Variants in PRPF40B observed in about 807,000 individuals in gnomAD.
PRPF40B encodes the protein pre-mRNA-processing factor 40 homolog B.
In PRPF40B, 56 loss-of-function variants were observed where a neutral mutation model predicts 124.5. The ratio of observed to expected loss-of-function variants is 0.45; its 90% CI spans 0.36 to 0.56. The LOEUF (loss-of-function observed/expected upper bound fraction) is 0.56, where lower values mean the gene tolerates loss of function less well. Among genes scored for constraint, PRPF40B ranks in the 20% least tolerant of loss-of-function variants. PRPF40B has a pLI of 0.00. For synonymous variants in PRPF40B, 443 were observed against 426.4 expected (o/e 1.04, Z -0.48); for missense variants, 1,053 against 1,169.5 (o/e 0.90, Z 1.45).
intron 18 of PRPF40B, chr12:49,639,931 T>C (rs539615552): frequency 6.6e-6 from 1 of 152,370 alleles, no homozygotes; most frequent in South Asian, 2.1e-4. Context: ...TATCCTGGGA[T>C]AGCTAAATTT....
chr12:49,629,572 T>C (rs192452266), intron 1 of PRPF40B, among the ~76,000 whole-genome samples: 1 of 152,348 alleles, frequency 6.6e-6, no homozygotes, highest in African/African-American at 2.4e-5. Context: ...CAGATGCTGG[T>C]AGGTACCAGG....
At position 49,632,996 on chromosome 12, in the gene PRPF40B, G is replaced by GGGGGGGCCCCCCCCC; in HGVS notation, c.349-18_349-17insGGGGGGCCCCCCCCC. 5 of 1,147,388 alleles carry GGGGGGGCCCCCCCCC rather than the reference G, an allele frequency of 4.4e-6. No individual in the cohort carries two copies. The highest frequency in any genetic ancestry group is 4.9e-6 in the Non-Finnish European group (4 of 823,006). The allele number at this position is 1,147,388 out of a possible 1,614,324, so 71.1% of individuals were successfully genotyped here. ...AAAGGGGCCTTGACCACCATTCTGT[G>GGGGGGGCCCCCCCCC]CCCCCCCCCCCACCCAGAGGGCCCT... On this transcript the variant is annotated splice_polypyrimidine_tract_variant and intron_variant, in intron 6 of 25. Coordinates refer to ENST00000548825, the MANE Select transcript of PRPF40B (RefSeq NM_001031698.3).
chr12:49,626,865 C>A (rs879445766), intron 1 of PRPF40B, among the ~76,000 whole-genome samples: 3 of 152,124 alleles, frequency 2.0e-5, no homozygotes, highest in Admixed American at 6.5e-5. Context: ...AGTCCCAGTT[C>A]TGTCCCTAAC....
At chr12:49,623,452 C>A, upstream of PRPF40B, 1 of 954,466 alleles carries the variant, frequency 1.0e-6, no homozygotes, top group Non-Finnish European at 1.3e-6. Flanking sequence ...CCCCGCTCGC[C>A]GGCGGGAGCC....
intron 15 of PRPF40B, chr12:49,636,359 TAA>T (rs1348161268): frequency 2.5e-6 from 1 of 403,670 alleles, no homozygotes; most frequent in Non-Finnish European, 4.5e-6. Context: ...TGTTGGCCTG[TAA>T]TTACTGATGA....
At chr12:49,641,818 T>G in intron 18 of PRPF40B, 90 bp from the exon 19 acceptor site, 1 of 1,088,250 alleles carries the variant, frequency 9.2e-7, no homozygotes, top group South Asian at 1.3e-5. Context: ...GGCAAGGGCC[T>G]TCTTGACCAT....
chr12:49,624,328 G>A (rs1460436790), intron 1 of PRPF40B, among the ~76,000 whole-genome samples: 1 of 152,212 alleles, frequency 6.6e-6, no homozygotes, highest in Non-Finnish European at 1.5e-5. Flanking sequence ...GCAAAGGAAA[G>A]GATGAAGATG....
intron 18 of PRPF40B, chr12:49,639,690 A>G (rs140284083): frequency 3.3e-5 from 5 of 152,352 alleles, no homozygotes; most frequent in Non-Finnish European, 7.3e-5. Context: ...TGTTTAAAAA[A>G]AAAAGGGAGA....
At chr12:49,629,182 C>T (rs1473092580) in intron 1 of PRPF40B, among the ~76,000 whole-genome samples, 1 of 152,220 alleles carries the variant, frequency 6.6e-6, no homozygotes, top group African/African-American at 2.4e-5. Flanking sequence ...TCCCTTTCTA[C>T]CATTTCTTGT....
intron 24 of PRPF40B, 27 bp downstream of exon 24, chr12:49,643,779 C>T (rs779725553): frequency 1.2e-6 from 2 of 1,613,668 alleles, no homozygotes; most frequent in Non-Finnish European, 1.7e-6. Flanking sequence ...CTACCTAAGC[C>T]CCTGCTATTT....
At position 49,634,426 on chromosome 12, in the gene PRPF40B, C is replaced by T. The variant is rs754324816; in HGVS notation, c.907C>T (p.Gln303Ter). 1 of 1,614,184 alleles carries T rather than the reference C, an allele frequency of 6.2e-7. No individual in the cohort carries two copies. Residue 303 changes from glutamine to a stop codon, truncating the protein, a stop_gained, in exon 11 of 26, where the codon CAG becomes TAG. Transcript: ENST00000548825. LOFTEE classifies it high-confidence loss of function. ...LSWSNREKAK[Q>*]AFKELLRDKA... ...TTGGAGCAACCGGGAGAAGGCAAAGCAGGCATTCAAGGAACTGCTGAGGGA... is the reference window on the plus strand; with the variant it reads ...TTGGAGCAACCGGGAGAAGGCAAAGTAGGCATTCAAGGAACTGCTGAGGGA...
At chr12:49,633,843 T>C (rs779127885) in intron 9 of PRPF40B, 43 bp from the exon 10 acceptor site, 10 of 1,611,472 alleles carry the variant, frequency 6.2e-6, no homozygotes, top group Non-Finnish European at 7.6e-6. Flanking sequence ...AGTCCTCCAT[T>C]CTTGCTCTCC....
At position 49,635,379 on chromosome 12, in the gene PRPF40B, C is replaced by T; in HGVS notation, c.1181C>T (p.Thr394Ile). ...STTRYRRAEQ[T>I]FGELEVWAVV... ...ATGCTCCACAGGCGGGCAGAACAGA[C>T]CTTTGGGGAGCTGGAGGTCTGGGCT... is the stretch of plus-strand genomic sequence containing the variant. The change falls in exon 14 of 26, where the codon ACC (threonine) becomes ATC (isoleucine). Residue 394 changes from threonine to isoleucine, a missense_variant. Physicochemically the swap from Thr to Ile is moderately conservative, Grantham distance 89. This residue lies in a region of PRPF40B where 895 missense variants were observed against 1,052.2 expected (regional missense o/e 0.85). Transcript: ENST00000548825. The surrounding 1 kb of genome is among the most constrained non-coding windows in gnomAD (Gnocchi z 4.1). 3 of 1,613,680 alleles carry T rather than the reference C, an allele frequency of 1.9e-6. No individual in the cohort carries two copies. The highest frequency in any genetic ancestry group is 2.5e-6 in the Non-Finnish European group (3 of 1,179,816).
At position 49,644,636 on chromosome 12, in the gene PRPF40B, T is replaced by C. The variant is rs551942425; in HGVS notation, c.*444T>C. On this transcript the variant is annotated 3_prime_UTR_variant, in exon 26 of 26. Coordinates refer to ENST00000548825, the MANE Select transcript of PRPF40B (RefSeq NM_001031698.3). ...CCTAATGTACGTGTGTTTTGTTTTT[T>C]GTTTTTTAAATAACAATATTTATAA... The C allele has an allele frequency of 3.7e-5, 7 of 187,744 alleles. No homozygotes were observed. Among genetic ancestry groups the C allele is most frequent in the African/African-American group, 1.6e-4 (7 of 42,808 alleles). The allele number at this position is 187,744 out of a possible 1,614,324, so 11.6% of individuals were successfully genotyped here.
At position 49,632,699 on chromosome 12, in the gene PRPF40B, G is replaced by A. The variant is rs1161687564; in HGVS notation, c.322+76G>A. The A allele has an allele frequency of 6.9e-6, 11 of 1,598,426 alleles. No individual in the cohort carries two copies. The Admixed American group carries it at 1.2e-4, about 17-fold the overall frequency. On this transcript the variant is annotated intron_variant, in intron 5 of 25. Transcript: ENST00000548825. ...AGGGGAGAGGGGACCGTGGACTGGA[G>A]CCCACCCTGGATCATGCCTGTTGGG...
At chr12:49,628,240 T>TGAA (rs373955283) in intron 1 of PRPF40B, among the ~76,000 whole-genome samples, 25 of 152,294 alleles carry the variant, frequency 1.6e-4, no homozygotes, top group African/African-American at 5.8e-4. Context: ...TAGGACAAGA[T>TGAA]GAAGGACAGT....
At chr12:49,623,444 C>T (rs1365781618), upstream of PRPF40B, 22 of 875,638 alleles carry the variant, frequency 2.5e-5, no homozygotes, top group East Asian at 2.6e-4. Context: ...GGTTGGGGCC[C>T]CGCTCGCCGG....
intron 4 of PRPF40B, chr12:49,632,377 C>G (rs1356151871): frequency 8.4e-6 from 5 of 594,240 alleles, no homozygotes; most frequent in Non-Finnish European, 1.2e-5. Context: ...ACAAAATACT[C>G]TCACTTGAGG....
Position 49,631,357 on chromosome 12 carries a change from C to T in PRPF40B, c.85-44C>T, listed in dbSNP as rs770061259. 1.3e-5 allele frequency: 18 copies of T among 1,424,894 alleles called. No homozygotes were observed. Among genetic ancestry groups the T allele is most frequent in the East Asian group, 5.0e-5 (2 of 39,770 alleles). 88.3% of individuals were successfully genotyped at this position (1,424,894 alleles called of 1,614,324 possible). On this transcript the variant is annotated intron_variant, in intron 2 of 25. Coordinates refer to ENST00000548825, the MANE Select transcript of PRPF40B (RefSeq NM_001031698.3). This position sits in a 1 kb window ranked among gnomAD's most constrained non-coding sequence, Gnocchi z 4.3. ...CAGGTCCTCTCTACCTCTGACAAGGCGATGTCTTCCCTGCTCAGTATCTCT... is the reference window on the plus strand; with the variant it reads ...CAGGTCCTCTCTACCTCTGACAAGGTGATGTCTTCCCTGCTCAGTATCTCT...
Sources: gnomAD v4.1 joint callset for allele counts (sites outside exome capture counted in the v4.1 genomes callset) on GRCh38, gnomAD v4.1.1 for gene constraint, gnomAD v4.1.1 regional missense constraint, Gnocchi (gnomAD v3.1) non-coding constraint, MANE v1.5 for transcripts, NCBI Gene and HGNC (gene_info 2026-07-23, HGNC 2026-07-21) for gene names.